Variants in MYCBP2 observed in about 807,000 individuals in gnomAD.
MYCBP2 encodes E3 ubiquitin-protein ligase MYCBP2.
MYCBP2 carries 120 observed loss-of-function variants against 525.3 expected under a neutral mutation model. That is an observed-to-expected ratio of 0.23 (90% confidence interval 0.20 to 0.27). The LOEUF is 0.27. Among genes scored for constraint, MYCBP2 ranks in the 10% least tolerant of loss-of-function variants. The probability of loss-of-function intolerance (pLI) is 1.00; values close to 1 mark genes in which losing one functional copy is unlikely to be tolerated. For missense variants in MYCBP2, 4,149 were observed against 5,657.1 expected, an observed-to-expected ratio of 0.73 and a Z score of 8.55; for synonymous variants, 1,894 against 1,955.8, an observed-to-expected ratio of 0.97 and a Z score of 0.83.
At chr13:77,120,653 G>C (rs1041301866) in intron 55 of MYCBP2, among the ~76,000 whole-genome samples, 3 of 152,120 alleles carry the variant, frequency 2.0e-5, no homozygotes, top group Non-Finnish European at 4.4e-5. Context: ...CAGGTACATA[G>C]GAAAGAACAA....
chr13:77,136,477 G>A (rs1307318011), intron 52 of MYCBP2, among the ~76,000 whole-genome samples: 1 of 152,120 alleles, frequency 6.6e-6, no homozygotes, highest in Non-Finnish European at 1.5e-5. Flanking sequence ...TCCCAGAACT[G>A]ATAATCTTAA....
chr13:77,169,320 C>T (rs1334084794), intron 39 of MYCBP2, among the ~76,000 whole-genome samples: 5 of 148,342 alleles, frequency 3.4e-5, no homozygotes, highest in African/African-American at 1.2e-4. Context: ...GGCGTGAACC[C>T]GGAAGGCGGA....
At chr13:77,188,907 G>A (rs1368367136) in intron 30 of MYCBP2, 44 bp downstream of exon 30, 4 of 1,315,232 alleles carry the variant, frequency 3.0e-6, no homozygotes, top group Non-Finnish European at 3.2e-6. Flanking sequence ...AAATGTATCT[G>A]AGGACTGAAG....
intron 36 of MYCBP2, among the ~76,000 whole-genome samples, chr13:77,175,941 A>G (rs2154239638): frequency 6.6e-6 from 1 of 151,854 alleles, no homozygotes; most frequent in East Asian, 1.9e-4. Context: ...TGGGCGACAG[A>G]GTGAGACTCC....
chr13:77,196,707 C>A (rs1414853961), intron 26 of MYCBP2, among the ~76,000 whole-genome samples: 1 of 152,156 alleles, frequency 6.6e-6, no homozygotes, highest in Non-Finnish European at 1.5e-5. Context: ...TGGGGAAGAA[C>A]ATGAGGATAG....
chr13:77,302,334 T>C (rs994057671), intron 1 of MYCBP2, among the ~76,000 whole-genome samples: 15 of 123,326 alleles, frequency 1.2e-4, no homozygotes, highest in African/African-American at 4.7e-4. Context: ...AAAGGAACAA[T>C]AAAATTGATA....
At chr13:77,322,302 C>T (rs769819271) in intron 1 of MYCBP2, among the ~76,000 whole-genome samples, 10 of 152,160 alleles carry the variant, frequency 6.6e-5, no homozygotes, top group African/African-American at 1.7e-4. Flanking sequence ...TTAGATTCCC[C>T]ATTTTGGTCA....
chr13:77,120,783 C>T (rs1279852803), intron 55 of MYCBP2, among the ~76,000 whole-genome samples: 1 of 152,122 alleles, frequency 6.6e-6, no homozygotes, highest in Non-Finnish European at 1.5e-5. Flanking sequence ...GCAGCCAAAA[C>T]AGCTGTATAT....
chr13:77,233,294 A>G (rs770245030), intron 17 of MYCBP2, 31 bp from the exon 18 acceptor site: 1 of 1,492,604 alleles, frequency 6.7e-7, no homozygotes, highest in South Asian at 1.1e-5. Context: ...TGTGCATAGA[A>G]AAACTCACAA....
At chr13:77,246,183 A>G (rs1459967261) in intron 15 of MYCBP2, among the ~76,000 whole-genome samples, 1 of 152,194 alleles carries the variant, frequency 6.6e-6, no homozygotes, top group Non-Finnish European at 1.5e-5. Context: ...GAAGGTACAA[A>G]AGGAAGAACA....
At chr13:77,127,601 A>G (rs1177909363) in intron 52 of MYCBP2, among the ~76,000 whole-genome samples, 4 of 151,938 alleles carry the variant, frequency 2.6e-5, no homozygotes, top group Admixed American at 2.0e-4. Context: ...TTAGGTTAAA[A>G]CTGATATTTA....
chr13:77,292,259 T>C (rs1378796603), intron 2 of MYCBP2, among the ~76,000 whole-genome samples: 2 of 152,176 alleles, frequency 1.3e-5, no homozygotes, highest in Non-Finnish European at 2.9e-5. Flanking sequence ...AACACATACC[T>C]TTTTCCTGCT....
Position 77,051,085 on chromosome 13 carries a change from A to G in MYCBP2, c.13833T>C (p.Phe4611=), listed in dbSNP as rs369600531. 8.1e-6 allele frequency: 13 copies of G among 1,613,332 alleles called. No homozygotes were observed. In the African/African-American group the frequency reaches 1.3e-4, roughly 17 times the overall value. ...YCCSVAVFFC[F]GTTHFCNACH... Reference sequence around the variant, plus strand: ...AAGCATTACAAAAATGTGTTGTTCCAAAACAGAAAAAAACAGCCACTGAAC... The same window carrying G: ...AAGCATTACAAAAATGTGTTGTTCCGAAACAGAAAAAAACAGCCACTGAAC... The change falls in exon 82 of 83, where the codon TTT becomes TTC. Residue 4611 remains phenylalanine (F), a synonymous_variant. Coordinates refer to ENST00000544440, the MANE Select transcript of MYCBP2 (RefSeq NM_015057.5).
At chr13:77,119,519 G>A (rs2050331545) in intron 55 of MYCBP2, among the ~76,000 whole-genome samples, 1 of 151,522 alleles carries the variant, frequency 6.6e-6, no homozygotes, top group Non-Finnish European at 1.5e-5. Context: ...AGATCATGAA[G>A]AATTTTCTAA....
chr13:77,194,772 AGGG>A (rs1262964403), intron 26 of MYCBP2, among the ~76,000 whole-genome samples: 1 of 152,190 alleles, frequency 6.6e-6, no homozygotes, highest in East Asian at 1.9e-4. Context: ...ACAATAAAAA[AGGG>A]TAGAGAAATA....
chr13:77,144,266 T>C, intron 49 of MYCBP2, 179 bp downstream of exon 49: 1 of 584,590 alleles, frequency 1.7e-6, no homozygotes, highest in African/African-American at 1.9e-5. Context: ...CCAGAAATTA[T>C]TACAAAATGT....
At chr13:77,298,316 C>T (rs1346441108) in intron 1 of MYCBP2, among the ~76,000 whole-genome samples, 1 of 152,196 alleles carries the variant, frequency 6.6e-6, no homozygotes, top group Non-Finnish European at 1.5e-5. Flanking sequence ...TCTAACTCCC[C>T]ACACTGGATG....
intron 52 of MYCBP2, among the ~76,000 whole-genome samples, chr13:77,134,470 G>A (rs1566656300): frequency 6.6e-6 from 1 of 152,090 alleles, no homozygotes; most frequent in Non-Finnish European, 1.5e-5. Context: ...GGAGGTGGAG[G>A]TTGCAGTGAG....
intron 4 of MYCBP2, among the ~76,000 whole-genome samples, chr13:77,273,960 C>T (rs2075210463): frequency 1.3e-5 from 2 of 152,086 alleles, no homozygotes; most frequent in Admixed American, 6.5e-5. Context: ...AGAAACTCAT[C>T]CTATCAAGTA....
Sources: allele counts gnomAD v4.1 joint callset (sites outside exome capture counted in the v4.1 genomes callset), GRCh38; gene constraint gnomAD v4.1.1; transcripts MANE v1.5; gene names NCBI Gene and HGNC (gene_info 2026-07-23, HGNC 2026-07-21).